PPEF1: variants seen among roughly 807,000 people sequenced by gnomAD.
The protein encoded by PPEF1 is protein phosphatase with EF-hand domain 1.
PPEF1 carries 12 observed loss-of-function variants against 53.3 expected under a neutral mutation model. The ratio of observed to expected loss-of-function variants is 0.23; its 90% CI spans 0.14 to 0.36. PPEF1 has a LOEUF of 0.36. PPEF1 is among the 10% of genes least tolerant of loss of function. The pLI is 1.00. For missense variants in PPEF1, 334 were observed against 490.4 expected (o/e 0.68, Z 3.01); for synonymous variants, 165 against 176.7 (o/e 0.93, Z 0.52).
intron 1 of PPEF1, among the ~76,000 whole-genome samples, chrX:18,714,622 AAGG>A (rs1213131390): frequency 8.9e-6 from 1 of 112,131 alleles, no homozygotes; most frequent in Non-Finnish European, 1.9e-5. Context: ...ATTTGAATTC[AAGG>A]AGTTTTGATG....
chrX:18,725,399 C>T (rs780922808), intron 1 of PPEF1, among the ~76,000 whole-genome samples: 3 of 111,668 alleles, frequency 2.7e-5, no homozygotes, highest in Non-Finnish European at 3.8e-5. Flanking sequence ...CTGGTATCTC[C>T]GGGGCTGCCA....
intron 6 of PPEF1, among the ~76,000 whole-genome samples, chrX:18,762,009 C>T (rs2045676857): frequency 9.0e-6 from 1 of 111,680 alleles, no homozygotes; most frequent in African/African-American, 3.3e-5. Flanking sequence ...TAAGTTCCAG[C>T]ATGCTCTCTT....
At chrX:18,810,472 T>G (rs865855634) in intron 12 of PPEF1, among the ~76,000 whole-genome samples, 2 of 111,300 alleles carry the variant, frequency 1.8e-5, no homozygotes, top group Non-Finnish European at 3.8e-5. Context: ...ATCTAACTTT[T>G]GAACATTTTT....
rs12850696 is a variant in PPEF1 at position 18,737,905 on chromosome X, C to T, written c.235+4097C>T. 9.9e-5 allele frequency among the ~76,000 whole-genome samples: 11 copies of T among 111,012 alleles called. No homozygotes were observed. The East Asian group carries it at 2.8e-3, about 29-fold the overall frequency. Reference sequence around the variant, plus strand: ...GCCTTCTTTGTCTCTTTTTATCTTTCTTGGTTTAAAGTCTGTTTTATCAGA... The same window carrying T: ...GCCTTCTTTGTCTCTTTTTATCTTTTTTGGTTTAAAGTCTGTTTTATCAGA... On this transcript the variant is annotated intron_variant, in intron 3 of 15. Coordinates refer to ENST00000470157, the MANE Select transcript of PPEF1 (RefSeq NM_001377996.1).
chrX:18,801,018 A>AACATG (rs1367476291), intron 10 of PPEF1, among the ~76,000 whole-genome samples: 5 of 112,206 alleles, frequency 4.5e-5, no homozygotes, highest in Non-Finnish European at 9.4e-5. Context: ...TATGTCCCTA[A>AACATG]ACATGACATC....
At chrX:18,821,593 G>A (rs2047047664) in intron 13 of PPEF1, among the ~76,000 whole-genome samples, 2 of 110,038 alleles carry the variant, frequency 1.8e-5, no homozygotes, top group South Asian at 3.9e-4. Flanking sequence ...TGTATTTTTA[G>A]TGGAGACAAG....
chrX:18,723,776 C>A (rs1249678511), intron 1 of PPEF1, among the ~76,000 whole-genome samples: 1 of 109,422 alleles, frequency 9.1e-6, no homozygotes, highest in Non-Finnish European at 1.9e-5. Flanking sequence ...ATTCTATATA[C>A]CATCTGATTT....
chrX:18,738,309 A>G (rs1340451275), intron 3 of PPEF1, among the ~76,000 whole-genome samples: 2 of 111,565 alleles, frequency 1.8e-5, no homozygotes, highest in East Asian at 2.8e-4. Context: ...AGCTCTTGTA[A>G]GGCAGGCCTG....
upstream of PPEF1, among the ~76,000 whole-genome samples, chrX:18,680,080 C>T (rs1368895690): frequency 2.0e-5 from 2 of 102,022 alleles, no homozygotes; most frequent in Non-Finnish European, 4.0e-5. Flanking sequence ...CAGAGCAAGA[C>T]CCTGTCCTCA....
chrX:18,730,103 TCCACTGAA>T, intron 1 of PPEF1, 70 bp from the exon 2 acceptor site: 1 of 1,029,722 alleles, frequency 9.7e-7, no homozygotes, highest in African/African-American at 1.9e-5. Context: ...GCTTTTTTTT[TCCACTGAA>T]GCACCTACTT....
intron 2 of PPEF1, among the ~76,000 whole-genome samples, chrX:18,685,907 C>G (rs998067574): frequency 9.0e-6 from 1 of 111,310 alleles, no homozygotes; most frequent in Non-Finnish European, 1.9e-5. Context: ...ACACTTTCAA[C>G]TGGCTGACTT....
At chrX:18,812,729 C>T (rs1375327374) in intron 12 of PPEF1, among the ~76,000 whole-genome samples, 1 of 111,438 alleles carries the variant, frequency 9.0e-6, no homozygotes, top group Non-Finnish European at 1.9e-5. Context: ...TATTTTATTC[C>T]TTTTGCTGCT....
At chrX:18,689,921 C>A (rs1929269423) in intron 3 of PPEF1, among the ~76,000 whole-genome samples, 1 of 110,604 alleles carries the variant, frequency 9.0e-6, no homozygotes, top group African/African-American at 3.3e-5. Flanking sequence ...TTGACTCCAT[C>A]CCCCATCAAC....
chrX:18,793,516 C>G (rs2046361251), intron 10 of PPEF1, among the ~76,000 whole-genome samples: 1 of 110,747 alleles, frequency 9.0e-6, no homozygotes, highest in East Asian at 2.8e-4. Context: ...ATGGTTTATC[C>G]CGGAGAATGC....
At chrX:18,775,380 C>T (rs1049957132) in intron 6 of PPEF1, among the ~76,000 whole-genome samples, 2 of 109,293 alleles carry the variant, frequency 1.8e-5, no homozygotes, top group African/African-American at 6.7e-5. Flanking sequence ...CGTGCCACCA[C>T]GCCTGGCTAA....
chrX:18,693,936 C>G (rs1929562542), intron 4 of PPEF1, among the ~76,000 whole-genome samples: 1 of 111,367 alleles, frequency 9.0e-6, no homozygotes, highest in Non-Finnish European at 1.9e-5. Context: ...TAGAACATGC[C>G]CCCCAAAACT....
At chrX:18,797,598 A>T (rs1194100557) in intron 10 of PPEF1, among the ~76,000 whole-genome samples, 5 of 112,292 alleles carry the variant, frequency 4.5e-5, no homozygotes, top group Admixed American at 1.9e-4. Context: ...GACCAAATAA[A>T]GATCCGTTAC....
intron 9 of PPEF1, among the ~76,000 whole-genome samples, chrX:18,788,084 A>C (rs2046246935): frequency 8.9e-6 from 1 of 111,807 alleles, no homozygotes; most frequent in Non-Finnish European, 1.9e-5. Flanking sequence ...TGGGAGGCCA[A>C]GGCGGGCGGA....
intron 6 of PPEF1, among the ~76,000 whole-genome samples, chrX:18,778,337 A>G (rs1480235211): frequency 2.7e-5 from 3 of 111,645 alleles, no homozygotes; most frequent in Admixed American, 1.9e-4. Flanking sequence ...TGTGTTTAAA[A>G]GTATTTTTTC....
Sources: allele counts gnomAD v4.1 joint callset (sites outside exome capture counted in the v4.1 genomes callset), GRCh38; gene constraint gnomAD v4.1.1; transcripts MANE v1.5; gene names NCBI Gene and HGNC (gene_info 2026-07-23, HGNC 2026-07-21).